TENM4: variants seen among roughly 807,000 people sequenced by gnomAD.
TENM4 encodes the protein teneurin transmembrane protein 4, also known as teneurin-4.
In TENM4, 82 loss-of-function variants were observed where a neutral mutation model predicts 243.3. The observed-to-expected ratio is 0.34, with a 90% CI of 0.28 to 0.40. The LOEUF (loss-of-function observed/expected upper bound fraction) is 0.40. Ranked by LOEUF, TENM4 falls within the 10% of genes least tolerant of loss-of-function variation. The probability of loss-of-function intolerance (pLI) is 1.00; values close to 1 mark genes in which losing one functional copy is unlikely to be tolerated. For missense variants in TENM4, 3,138 were observed against 3,673.3 expected, an observed-to-expected ratio of 0.85 and a Z score of 3.77; for synonymous variants, 1,412 against 1,456.3, an observed-to-expected ratio of 0.97 and a Z score of 0.69.
chr11:79,272,791 C>T (rs535942567), intron 2 of TENM4, among the ~76,000 whole-genome samples: 7 of 152,290 alleles, frequency 4.6e-5, no homozygotes, highest in Admixed American at 1.3e-4. Context: ...AGGGCCCCCT[C>T]ACATGCTGCC....
At chr11:79,298,776 G>C (rs918485470) in intron 1 of TENM4, among the ~76,000 whole-genome samples, 1 of 152,152 alleles carries the variant, frequency 6.6e-6, no homozygotes, top group Non-Finnish European at 1.5e-5. Flanking sequence ...TCTAAGGCCT[G>C]ATGCTGTAAT....
Position 78,672,163 on chromosome 11 carries a change from G to C in TENM4, c.5663C>G (p.Ser1888Cys), listed in dbSNP as rs1325956291. The change falls in exon 31 of 34, where the codon TCC (serine) becomes TGC (cysteine). Residue 1888 changes from serine to cysteine, a missense_variant. Physicochemically the swap from Ser to Cys is moderately radical, Grantham distance 112. Coordinates refer to ENST00000278550, the MANE Select transcript of TENM4 (RefSeq NM_001098816.3). ...SRLNGVNVTY[S>C]PGGYIAGIQR... ...GATGCCAGCAATGTAACCCCCAGGG[G>C]AGTATGTCACGTTGACACCATTCAG... 2 of 1,613,900 alleles carry C rather than the reference G, an allele frequency of 1.2e-6. No individual in the cohort carries two copies. The highest frequency in any genetic ancestry group is 4.5e-5 in the East Asian group (2 of 44,884).
intron 3 of TENM4, among the ~76,000 whole-genome samples, chr11:79,178,713 G>A (rs562725571): frequency 6.6e-6 from 1 of 152,302 alleles, no homozygotes; most frequent in African/African-American, 2.4e-5. Flanking sequence ...CTCAAGGGCA[G>A]AGGCCACCTC....
intron 4 of TENM4, among the ~76,000 whole-genome samples, chr11:79,139,771 A>G (rs1160172770): frequency 1.1e-3 from 29 of 25,574 alleles, no homozygotes; most frequent in Middle Eastern, 0.056. Flanking sequence ...ATTTATATAA[A>G]TATATAATAT....
At chr11:79,076,749 C>G (rs141924460) in intron 4 of TENM4, among the ~76,000 whole-genome samples, 1 of 152,044 alleles carries the variant, frequency 6.6e-6, no homozygotes, top group Non-Finnish European at 1.5e-5. Flanking sequence ...ATCAGGGGAT[C>G]ACTGAAGACA....
chr11:79,394,829 A>G (rs1858308074), intron 1 of TENM4, among the ~76,000 whole-genome samples: 2 of 152,182 alleles, frequency 1.3e-5, no homozygotes, highest in Non-Finnish European at 2.9e-5. Context: ...CTGTGAAGAC[A>G]TGAAGATATA....
intron 19 of TENM4, among the ~76,000 whole-genome samples, chr11:78,752,496 T>C (rs1179967378): frequency 1.3e-5 from 2 of 152,218 alleles, no homozygotes; most frequent in African/African-American, 4.8e-5. Context: ...GAGGCCTGCC[T>C]TTCCTTGCTG....
At position 78,720,399 on chromosome 11, in the gene TENM4, A is replaced by C; in HGVS notation, c.3801-9T>G. The C allele has an allele frequency of 6.2e-7, 1 of 1,613,910 alleles. No individual in the cohort carries two copies. Among genetic ancestry groups the C allele is most frequent in the Non-Finnish European group, 8.5e-7 (1 of 1,179,866 alleles). On this transcript the variant is annotated splice_polypyrimidine_tract_variant and intron_variant, in intron 24 of 33. Transcript: ENST00000278550. ...GTCTGAAATCTTTATTTCTGACAGA[A>C]GACAGGAGAGCAGGGAATAGAAGAA...
intron 2 of TENM4, among the ~76,000 whole-genome samples, chr11:79,263,321 C>T (rs1855830291): frequency 6.6e-6 from 1 of 152,230 alleles, no homozygotes; most frequent in Non-Finnish European, 1.5e-5. Flanking sequence ...GAGGCAGCAG[C>T]TGGGCCCACC....
chr11:79,106,881 A>C (rs142183684), intron 4 of TENM4, among the ~76,000 whole-genome samples: 48 of 152,336 alleles, frequency 3.2e-4, no homozygotes, highest in Admixed American at 1.4e-3. Context: ...GAACAGCATG[A>C]ATATTTTGAT....
chr11:78,734,704 A>G (rs889523145), intron 20 of TENM4, among the ~76,000 whole-genome samples: 3 of 152,126 alleles, frequency 2.0e-5, no homozygotes, highest in Non-Finnish European at 4.4e-5. Context: ...AGCCTTACCC[A>G]GTCAGAATTC....
intron 6 of TENM4, among the ~76,000 whole-genome samples, chr11:79,016,172 C>A (rs980487160): frequency 6.6e-6 from 1 of 152,136 alleles, no homozygotes; most frequent in East Asian, 1.9e-4. Context: ...CACAATGATG[C>A]TCTCAAAGAT....
At chr11:78,753,968 T>C (rs955687893) in intron 19 of TENM4, among the ~76,000 whole-genome samples, 5 of 152,238 alleles carry the variant, frequency 3.3e-5, no homozygotes, top group Non-Finnish European at 7.3e-5. Context: ...TTCTCTGGAC[T>C]CTGAATCCTC....
chr11:78,901,472 T>C (rs1391302465), intron 7 of TENM4, among the ~76,000 whole-genome samples: 1 of 152,148 alleles, frequency 6.6e-6, no homozygotes, highest in Non-Finnish European at 1.5e-5. Flanking sequence ...GGACCACCTT[T>C]ACAACTCACA....
chr11:78,920,145 C>G (rs1311206059), intron 6 of TENM4, among the ~76,000 whole-genome samples: 2 of 152,152 alleles, frequency 1.3e-5, no homozygotes, highest in Admixed American at 6.5e-5. Flanking sequence ...CAAACCTCAT[C>G]AACATCTCAG....
intron 4 of TENM4, among the ~76,000 whole-genome samples, chr11:79,117,655 G>A (rs1295882986): frequency 3.9e-5 from 6 of 152,178 alleles, no homozygotes; most frequent in Admixed American, 6.5e-5. Flanking sequence ...ATTCTCCCTG[G>A]AGAGCAGCAG....
intron 2 of TENM4, among the ~76,000 whole-genome samples, chr11:79,223,842 C>T (rs186145711): frequency 2.0e-5 from 3 of 152,302 alleles, no homozygotes; most frequent in Admixed American, 6.5e-5. Flanking sequence ...GCTCCCACCA[C>T]GTGGGTTGTG....
chr11:79,213,868 A>G (rs1414770053), intron 3 of TENM4, among the ~76,000 whole-genome samples: 1 of 152,234 alleles, frequency 6.6e-6, no homozygotes, highest in African/African-American at 2.4e-5. Context: ...ACCTTAAAAA[A>G]TGGGGTCATA....
At chr11:79,120,665 T>C (rs1198210170) in intron 4 of TENM4, among the ~76,000 whole-genome samples, 1 of 152,224 alleles carries the variant, frequency 6.6e-6, no homozygotes, top group East Asian at 1.9e-4. Context: ...TGTCATTACA[T>C]ATTTTCCCAA....
Sources: gnomAD v4.1 joint callset for allele counts (sites outside exome capture counted in the v4.1 genomes callset) on GRCh38, gnomAD v4.1.1 for gene constraint, MANE v1.5 for transcripts, NCBI Gene and HGNC (gene_info 2026-07-23, HGNC 2026-07-21) for gene names.